The following RGS7 variants were observed in gnomAD, a reference collection of about 807,000 sequenced individuals.
RGS7 encodes regulator of G-protein signaling 7.
Under a neutral mutation model 81.1 loss-of-function variants are expected in RGS7, and 27 were observed. That is an observed-to-expected ratio of 0.33 (90% CI 0.25 to 0.46). The LOEUF (loss-of-function observed/expected upper bound fraction) is 0.46, where lower values mean the gene tolerates loss of function less well. RGS7 is among the 20% of genes least tolerant of loss of function. The pLI, the probability that RGS7 is intolerant of heterozygous loss-of-function variation, is 1.00. For missense variants in RGS7, 396 were observed against 607.4 expected (o/e 0.65, Z 3.66); for synonymous variants, 208 against 207.7 (o/e 1.00, Z -0.01).
intron 6 of RGS7, among the ~76,000 whole-genome samples, chr1:240,872,982 G>T (rs1313359244): frequency 6.6e-6 from 1 of 152,110 alleles, no homozygotes; most frequent in African/African-American, 2.4e-5. Flanking sequence ...GGGAAGCTGA[G>T]TCAGGAGAAT....
chr1:241,265,184 TG>T (rs2077522841), intron 2 of RGS7, among the ~76,000 whole-genome samples: 3 of 152,342 alleles, frequency 2.0e-5, no homozygotes, highest in Admixed American at 6.5e-5. Flanking sequence ...GTTCCTGCAG[TG>T]GCCTCCTCCT....
intron 4 of RGS7, among the ~76,000 whole-genome samples, chr1:240,954,496 A>G (rs1680035909): frequency 6.6e-6 from 1 of 152,140 alleles, no homozygotes; most frequent in African/African-American, 2.4e-5. Flanking sequence ...GAAAACTTAT[A>G]CGATCATATC....
intron 3 of RGS7, among the ~76,000 whole-genome samples, chr1:241,079,224 T>C (rs2062997016): frequency 6.8e-6 from 1 of 147,916 alleles, no homozygotes; most frequent in Admixed American, 6.7e-5. Context: ...AGCCAATGAA[T>C]CGGAAAGTGA....
At chr1:240,897,601 T>C (rs12732871) in intron 6 of RGS7, among the ~76,000 whole-genome samples, 19,225 of 152,222 alleles carry the variant, frequency 0.13, 1,317 homozygotes, top group Middle Eastern at 0.18. Context: ...TTTGCTTATG[T>C]TGAACCAGCC....
Position 240,839,266 on chromosome 1 carries a change from T to A in RGS7, c.610-12094A>T, listed in dbSNP as rs146903799. ...ATTCGTTGCTTGGTTCTGATGTGGA[T>A]CAGAAAACTATACAAATGCTCCTTT... On this transcript the variant is annotated intron_variant, in intron 9 of 18. Transcript: ENST00000440928. Among the ~76,000 whole-genome samples the A allele has an allele frequency of 5.2e-3, 787 of 152,322 alleles. 6 individuals are homozygous for A. Among genetic ancestry groups the A allele is most frequent in the African/African-American group, 0.018 (758 of 41,574 alleles).
chr1:241,055,080 G>A (rs1238227964), intron 3 of RGS7, among the ~76,000 whole-genome samples: 1 of 152,212 alleles, frequency 6.6e-6, no homozygotes, highest in African/African-American at 2.4e-5. Flanking sequence ...GTAAGGGAAA[G>A]TATTTTGTGA....
intron 3 of RGS7, among the ~76,000 whole-genome samples, chr1:241,011,828 A>G (rs1216475231): frequency 1.3e-5 from 2 of 152,188 alleles, no homozygotes; most frequent in Non-Finnish European, 2.9e-5. Flanking sequence ...AAACCCATGT[A>G]GCACAACACA....
At chr1:241,218,667 C>T (rs35124939) in intron 2 of RGS7, among the ~76,000 whole-genome samples, 2,131 of 152,174 alleles carry the variant, frequency 0.014, 25 homozygotes, top group Non-Finnish European at 0.022. Flanking sequence ...TTTTTTGAGA[C>T]GGAGTCTCAC....
chr1:241,076,616 C>T (rs1424314468), intron 3 of RGS7, among the ~76,000 whole-genome samples: 1 of 152,124 alleles, frequency 6.6e-6, no homozygotes, highest in Non-Finnish European at 1.5e-5. Context: ...TAAAATCACA[C>T]TAGTGATCTT....
At chr1:241,313,265 G>T (rs2080662353) in intron 2 of RGS7, among the ~76,000 whole-genome samples, 1 of 152,226 alleles carries the variant, frequency 6.6e-6, no homozygotes, top group Admixed American at 6.5e-5. Flanking sequence ...GATTTTCCTT[G>T]TAGATGAAAC....
At chr1:240,968,300 C>T (rs983457158) in intron 4 of RGS7, among the ~76,000 whole-genome samples, 10 of 152,210 alleles carry the variant, frequency 6.6e-5, no homozygotes, top group African/African-American at 1.9e-4. Context: ...AAGCAAAATG[C>T]TACTGATGCC....
chr1:241,314,799 G>A (rs2080766374), intron 2 of RGS7, among the ~76,000 whole-genome samples: 1 of 152,144 alleles, frequency 6.6e-6, no homozygotes, highest in Non-Finnish European at 1.5e-5. Context: ...TGATAATTTT[G>A]TGTAGGCTGT....
chr1:240,982,422 CAAAAAAAAAAAAAAA>C (rs10567618), intron 4 of RGS7, among the ~76,000 whole-genome samples: 3 of 66,214 alleles, frequency 4.5e-5, no homozygotes, highest in Admixed American at 4.3e-4. Flanking sequence ...AACTCTGCCT[CAAAAAAAAAAAAAAA>C]AAAAAAAAAA....
chr1:241,128,921 A>C (rs1410313439), intron 2 of RGS7, among the ~76,000 whole-genome samples: 1 of 152,156 alleles, frequency 6.6e-6, no homozygotes, highest in African/African-American at 2.4e-5. Context: ...GGCTAGAAAG[A>C]AAGCAAATTA....
At chr1:241,293,424 G>A (rs2079201175) in intron 2 of RGS7, among the ~76,000 whole-genome samples, 1 of 152,058 alleles carries the variant, frequency 6.6e-6, no homozygotes, top group Admixed American at 6.6e-5. Flanking sequence ...GTTCCTTCAG[G>A]AGGTATTCCA....
intron 2 of RGS7, among the ~76,000 whole-genome samples, chr1:241,254,004 T>C (rs2076944093): frequency 6.6e-6 from 1 of 151,808 alleles, no homozygotes; most frequent in Non-Finnish European, 1.5e-5. Context: ...AGTGGTAAAA[T>C]CCTGGCTAAC....
intron 3 of RGS7, among the ~76,000 whole-genome samples, chr1:241,078,281 G>C (rs2062926544): frequency 6.9e-6 from 1 of 145,748 alleles, no homozygotes; most frequent in Admixed American, 6.9e-5. Flanking sequence ...TATTTTTCCT[G>C]TGATATGTGC....
chr1:241,071,874 C>CAAAAAAAAAAAAAAAAAAAA lies in RGS7; in HGVS notation c.175+26772_175+26791dup, dbSNP rs58217460. 9.3e-4 allele frequency among the ~76,000 whole-genome samples: 53 copies of CAAAAAAAAAAAAAAAAAAAA among 56,838 alleles called. 2 individuals are homozygous for CAAAAAAAAAAAAAAAAAAAA. The highest frequency in any genetic ancestry group is 0.015 in the Middle Eastern group (1 of 66). 37.3% of individuals were successfully genotyped at this position (56,838 alleles called of 152,430 possible). A position where few individuals can be genotyped will look rare whatever the true frequency, so the allele number is the denominator to read the frequency against. On this transcript the variant is annotated intron_variant, in intron 3 of 18. Transcript: ENST00000440928. The stretch of plus-strand genomic sequence containing the variant: ...GACAGATGACAGAGTGAGACCCTGT[C>CAAAAAAAAAAAAAAAAAAAA]AAAAAAAAAAAAAAAAAAAAACAAG...
intron 18 of RGS7, among the ~76,000 whole-genome samples, chr1:240,797,498 T>C (rs1687268896): frequency 6.6e-6 from 1 of 152,108 alleles, no homozygotes; most frequent in Non-Finnish European, 1.5e-5. Flanking sequence ...ATTACAGGTG[T>C]GCACCACCAC....
Sources: allele counts gnomAD v4.1 joint callset (sites outside exome capture counted in the v4.1 genomes callset), GRCh38; gene constraint gnomAD v4.1.1; transcripts MANE v1.5; gene names NCBI Gene and HGNC (gene_info 2026-07-23, HGNC 2026-07-21).